RSPH14: variants seen among roughly 807,000 people sequenced by gnomAD.
The protein encoded by RSPH14 is radial spoke head 14 homolog, also known as rhabdoid tumor deletion region gene 1.
RSPH14 carries 20 observed loss-of-function variants against 26.7 expected under a neutral mutation model. The ratio of observed to expected loss-of-function variants is 0.75; its 90% CI spans 0.53 to 1.09. The LOEUF (loss-of-function observed/expected upper bound fraction) is 1.09. Among genes scored for constraint, RSPH14 ranks in the 50% least tolerant of loss-of-function variants. RSPH14 has a pLI of 0.00. For missense variants in RSPH14, 449 were observed against 457.2 expected (o/e 0.98, Z 0.16); for synonymous variants, 177 against 189.3 (o/e 0.93, Z 0.53).
At chr22:23,065,534 CAAAAAAAAAAAAA>C (rs10562943) in intron 4 of RSPH14, among the ~76,000 whole-genome samples, 10 of 45,156 alleles carry the variant, frequency 2.2e-4, no homozygotes, top group African/African-American at 8.7e-4. Flanking sequence ...GCACAGATTG[CAAAAAAAAAAAAA>C]AAAAAAAAAA....
At chr22:23,095,412 G>A (rs770409901) in intron 4 of RSPH14, 42 of 418,890 alleles carry the variant, frequency 1.0e-4, no homozygotes, top group Admixed American at 4.2e-4. Context: ...CACCGTCGCC[G>A]AGGACAGGGA....
intron 4 of RSPH14, among the ~76,000 whole-genome samples, chr22:23,069,603 C>T (rs1046736671): frequency 6.6e-6 from 1 of 152,186 alleles, no homozygotes; most frequent in Admixed American, 6.5e-5. Context: ...CTTGTCTGGG[C>T]TGGGGGCCAG....
intron 4 of RSPH14, among the ~76,000 whole-genome samples, chr22:23,069,717 G>C (rs1226875690): frequency 2.0e-5 from 3 of 152,114 alleles, no homozygotes; most frequent in Non-Finnish European, 4.4e-5. Flanking sequence ...GTGGCGGCGG[G>C]GGGCGGCGGC....
intron 4 of RSPH14, among the ~76,000 whole-genome samples, chr22:23,126,831 C>G (rs747315878): frequency 2.0e-5 from 3 of 152,226 alleles, no homozygotes; most frequent in Non-Finnish European, 2.9e-5. Flanking sequence ...CAGGACCCAC[C>G]ATCATGTGGC....
intron 6 of RSPH14, 77 bp downstream of exon 6, chr22:23,061,731 GC>G: frequency 2.0e-6 from 3 of 1,527,388 alleles, no homozygotes; most frequent in East Asian, 2.3e-5. Flanking sequence ...ACGATACCCA[GC>G]CCCTGAGTAC....
the RSPH14 span, among the ~76,000 whole-genome samples, chr22:23,170,325 T>C: frequency 6.6e-6 from 1 of 152,176 alleles, no homozygotes; most frequent in Non-Finnish European, 1.5e-5. Flanking sequence ...GGCTGGAAGT[T>C]CCAGATCAGG....
upstream of RSPH14, among the ~76,000 whole-genome samples, chr22:23,148,619 T>C (rs986005062): frequency 2.0e-5 from 3 of 152,228 alleles, no homozygotes; most frequent in African/African-American, 4.8e-5. Flanking sequence ...AAGTTCATCC[T>C]GCACCCCAGG....
chr22:23,137,029 G>C (rs1381895453), intron 3 of RSPH14, among the ~76,000 whole-genome samples: 2 of 138,900 alleles, frequency 1.4e-5, no homozygotes, highest in African/African-American at 5.1e-5. Context: ...ATGTGAATTA[G>C]GGTGCTAGCC....
chr22:23,124,724 T>A (rs534872630), intron 4 of RSPH14: 9 of 179,920 alleles, frequency 5.0e-5, no homozygotes, highest in African/African-American at 1.9e-4. Context: ...CAGCCAGCGT[T>A]GTGGCCTGAG....
chr22:23,145,575 C>A (rs772422441), upstream of RSPH14: 4 of 1,587,746 alleles, frequency 2.5e-6, no homozygotes, highest in Non-Finnish European at 2.6e-6. Context: ...CCCACTCTGT[C>A]CGACCCTCCC....
intron 4 of RSPH14, among the ~76,000 whole-genome samples, chr22:23,070,943 G>A (rs1044211555): frequency 1.3e-5 from 2 of 151,838 alleles, no homozygotes; most frequent in African/African-American, 4.9e-5. Flanking sequence ...CAGGCGAGCT[G>A]CGGGAGCGGC....
intron 4 of RSPH14, among the ~76,000 whole-genome samples, chr22:23,092,564 G>A (rs1418618604): frequency 6.6e-6 from 1 of 152,178 alleles, no homozygotes; most frequent in Non-Finnish European, 1.5e-5. Flanking sequence ...TGATGCATGT[G>A]ATTGCTACCT....
At chr22:23,130,027 A>G (rs1001473538) in intron 4 of RSPH14, among the ~76,000 whole-genome samples, 1 of 150,578 alleles carries the variant, frequency 6.6e-6, no homozygotes, top group African/African-American at 2.5e-5. Context: ...AAGGAAAGAA[A>G]GAAAGGGAAG....
At position 23,071,910 on chromosome 22, in the gene RSPH14, G is replaced by T. The variant is rs2068388389; in HGVS notation, c.422-7777C>A. On this transcript the variant is annotated intron_variant, in intron 4 of 6. Coordinates refer to ENST00000216036, the MANE Select transcript of RSPH14 (RefSeq NM_014433.3). This position sits in a 1 kb window ranked among gnomAD's most constrained non-coding sequence, Gnocchi z 4.1. ...TTAGCATGCCTGGGGAGTAGGAGGAGGTATGGCGGGAAAGGCCGGTGGGGG... is the reference window on the plus strand; with the variant it reads ...TTAGCATGCCTGGGGAGTAGGAGGATGTATGGCGGGAAAGGCCGGTGGGGG... 6.6e-6 allele frequency among the ~76,000 whole-genome samples: 1 copy of T among 152,152 alleles called. No individual in the cohort carries two copies. The highest frequency in any genetic ancestry group is 2.4e-5 in the African/African-American group (1 of 41,420).
intron 4 of RSPH14, among the ~76,000 whole-genome samples, chr22:23,087,834 G>T (rs1039045928): frequency 1.2e-4 from 19 of 152,196 alleles, no homozygotes; most frequent in Admixed American, 1.2e-3. Flanking sequence ...CAAGTGCAGG[G>T]TCTGCAATAT....
intron 4 of RSPH14, among the ~76,000 whole-genome samples, chr22:23,066,233 C>T (rs1345292291): frequency 6.6e-6 from 1 of 152,216 alleles, no homozygotes; most frequent in Admixed American, 6.5e-5. Flanking sequence ...TCTCACCTAT[C>T]TGAGCTTCCC....
At chr22:23,082,380 T>TG (rs2068708490) in intron 4 of RSPH14, among the ~76,000 whole-genome samples, 1 of 147,326 alleles carries the variant, frequency 6.8e-6, no homozygotes, top group African/African-American at 2.5e-5. Flanking sequence ...CCTGGCTATT[T>TG]TTTTTTTTTT....
the RSPH14 span, chr22:23,153,126 C>T: frequency 2.5e-6 from 4 of 1,613,506 alleles, no homozygotes; most frequent in Admixed American, 6.7e-5. Context: ...TTCCCTATAG[C>T]CTCCAGATGT....
intron 4 of RSPH14, among the ~76,000 whole-genome samples, chr22:23,097,891 G>A (rs1364406021): frequency 3.9e-5 from 6 of 152,272 alleles, no homozygotes; most frequent in African/African-American, 1.2e-4. Flanking sequence ...CACAGTGGCA[G>A]GCGTGGCAAA....
Sources: gnomAD v4.1 joint callset for allele counts (sites outside exome capture counted in the v4.1 genomes callset) on GRCh38, gnomAD v4.1.1 for gene constraint, Gnocchi (gnomAD v3.1) non-coding constraint, MANE v1.5 for transcripts, NCBI Gene and HGNC (gene_info 2026-07-23, HGNC 2026-07-21) for gene names.